MAML3: variants seen among roughly 807,000 people sequenced by gnomAD.
The protein encoded by MAML3 is mastermind like transcriptional coactivator 3.
In MAML3, 27 loss-of-function variants were observed where a neutral mutation model predicts 101.9. The observed-to-expected ratio is 0.27, with a 90% CI of 0.20 to 0.37. The LOEUF is 0.37. Among genes scored for constraint, MAML3 ranks in the 10% least tolerant of loss-of-function variants. The probability of loss-of-function intolerance (pLI) is 1.00; values close to 1 mark genes in which losing one functional copy is unlikely to be tolerated. For synonymous variants in MAML3, 501 were observed against 555.9 expected, an observed-to-expected ratio of 0.90 and a Z score of 1.39; for missense variants, 1,316 against 1,444.9, an observed-to-expected ratio of 0.91 and a Z score of 1.45.
intron 1 of MAML3, among the ~76,000 whole-genome samples, chr4:139,934,466 G>A (rs1240349460): frequency 6.6e-6 from 1 of 152,132 alleles, no homozygotes; most frequent in African/African-American, 2.4e-5. Flanking sequence ...ACCCTGACCC[G>A]AGTTTTCAGC....
chr4:140,029,865 C>G (rs1045805155), intron 1 of MAML3, among the ~76,000 whole-genome samples: 4 of 152,016 alleles, frequency 2.6e-5, no homozygotes, highest in Admixed American at 1.3e-4. Context: ...ATATTTTAAC[C>G]AAAGTTACTC....
intron 2 of MAML3, among the ~76,000 whole-genome samples, chr4:139,836,667 G>T (rs1731259821): frequency 6.6e-6 from 1 of 152,008 alleles, no homozygotes; most frequent in African/African-American, 2.4e-5. Context: ...TGGCTTCCTG[G>T]CTCTTGTGCC....
intron 1 of MAML3, among the ~76,000 whole-genome samples, chr4:140,137,496 A>C (rs1296009413): frequency 6.6e-6 from 1 of 152,198 alleles, no homozygotes; most frequent in Non-Finnish European, 1.5e-5. Flanking sequence ...TCATTCCTGT[A>C]AGTCTGTCAA....
rs758082973 is a variant in MAML3 at position 140,153,046 on chromosome 4, C to T, written c.282G>A (p.Arg94=). 26 of 1,583,398 alleles carry T rather than the reference C, an allele frequency of 1.6e-5. No homozygotes were observed. Among genetic ancestry groups the T allele is most frequent in the African/African-American group, 9.4e-5 (7 of 74,188 alleles). ...GCTGCTCCACCTGAGCCTGCTGGTA[C>T]CTGTTCTCGCAGTTGACGTGGTGCC... ...CRRHHVNCEN[R]YQQAQVEQLE... Residue 94 remains arginine (R), a synonymous_variant, in exon 1 of 5, where the codon AGG becomes AGA. Transcript: ENST00000509479.
Position 139,764,908 on chromosome 4 carries a change from T to A in MAML3, c.2080-34241A>T, listed in dbSNP as rs143115016. 1.6e-3 allele frequency among the ~76,000 whole-genome samples: 236 copies of A among 150,472 alleles called. 1 individual carries two copies. The highest frequency in any genetic ancestry group is 2.7e-3 in the Non-Finnish European group (186 of 67,644). On this transcript the variant is annotated intron_variant, in intron 2 of 4. Coordinates refer to ENST00000509479, the MANE Select transcript of MAML3 (RefSeq NM_018717.5). The stretch of plus-strand genomic sequence containing the variant: ...ACACTCCTGCTTCAGTGACTGCACC[T>A]ACTCTGGGCAGCTCCCAATGCAGGG...
At chr4:139,973,141 G>A (rs1241458617) in intron 1 of MAML3, among the ~76,000 whole-genome samples, 1 of 152,160 alleles carries the variant, frequency 6.6e-6, no homozygotes, top group Non-Finnish European at 1.5e-5. Flanking sequence ...TCATTCAGGT[G>A]TTTCATCCTT....
At chr4:140,094,395 GA>G (rs1272551650) in intron 1 of MAML3, among the ~76,000 whole-genome samples, 1 of 152,188 alleles carries the variant, frequency 6.6e-6, no homozygotes, top group Non-Finnish European at 1.5e-5. Context: ...GCATAACAAA[GA>G]AAAATCACAA....
intron 2 of MAML3, among the ~76,000 whole-genome samples, chr4:139,849,360 T>C (rs1033439158): frequency 3.3e-5 from 5 of 152,164 alleles, no homozygotes; most frequent in Non-Finnish European, 2.9e-5. Context: ...TTGGCTATGA[T>C]TGGTCCCTAG....
At chr4:140,123,220 TC>T (rs780274873) in intron 1 of MAML3, among the ~76,000 whole-genome samples, 22 of 152,164 alleles carry the variant, frequency 1.4e-4, no homozygotes, top group Non-Finnish European at 1.3e-4. Flanking sequence ...TCCTATCCTG[TC>T]CCAAACAAGG....
At chr4:140,039,776 GTGCTAGTGCAC>G (rs1253265425) in intron 1 of MAML3, among the ~76,000 whole-genome samples, 1 of 152,164 alleles carries the variant, frequency 6.6e-6, no homozygotes, top group African/African-American at 2.4e-5. Flanking sequence ...TCTGACATGG[GTGCTAGTGCAC>G]TGCTGTACAA....
At chr4:140,058,025 T>G (rs1272309098) in intron 1 of MAML3, among the ~76,000 whole-genome samples, 1 of 149,852 alleles carries the variant, frequency 6.7e-6, no homozygotes, top group Non-Finnish European at 1.5e-5. Flanking sequence ...AGACCTCTGA[T>G]TAAACGTACA....
intron 1 of MAML3, among the ~76,000 whole-genome samples, chr4:140,030,399 T>G (rs1243432938): frequency 1.3e-5 from 2 of 152,212 alleles, no homozygotes; most frequent in African/African-American, 4.8e-5. Context: ...GGGAAAGTCT[T>G]ACCTGCCCAG....
chr4:139,977,858 G>A lies in MAML3; in HGVS notation c.469-86891C>T, dbSNP rs375261326. 4.0e-5 allele frequency among the ~76,000 whole-genome samples: 6 copies of A among 151,546 alleles called. No homozygotes were observed. In the East Asian group the frequency reaches 1.2e-3, roughly 29 times the overall value. ...ACTGCACTCCAGCCAGGGCCACAGA[G>A]TGAAACTCCCTAACAAAAAAACAAA... On this transcript the variant is annotated intron_variant, in intron 1 of 4. Coordinates refer to ENST00000509479, the MANE Select transcript of MAML3 (RefSeq NM_018717.5).
At chr4:139,808,072 C>T (rs146190063) in intron 2 of MAML3, among the ~76,000 whole-genome samples, 131 of 152,342 alleles carry the variant, frequency 8.6e-4, no homozygotes, top group Admixed American at 1.6e-3. Context: ...TCCACGGGCA[C>T]AATGCTGAGA....
At chr4:139,912,744 C>T (rs1732949094) in intron 1 of MAML3, among the ~76,000 whole-genome samples, 1 of 152,232 alleles carries the variant, frequency 6.6e-6, no homozygotes, top group Non-Finnish European at 1.5e-5. Context: ...TAAGGAATGC[C>T]AAAGACTGCT....
At chr4:139,865,504 T>TTG (rs1420504426) in intron 2 of MAML3, among the ~76,000 whole-genome samples, 3 of 151,026 alleles carry the variant, frequency 2.0e-5, no homozygotes, top group African/African-American at 7.3e-5. Flanking sequence ...TTGTTTTTTT[T>TTG]TTTTTTCATT....
At chr4:140,037,377 C>T (rs892362441) in intron 1 of MAML3, among the ~76,000 whole-genome samples, 18 of 152,214 alleles carry the variant, frequency 1.2e-4, no homozygotes, top group Admixed American at 1.2e-3. Flanking sequence ...GGAGTTTGCA[C>T]TTTAAATAGA....
intron 1 of MAML3, among the ~76,000 whole-genome samples, chr4:139,960,965 C>T (rs995614952): frequency 2.0e-5 from 3 of 152,182 alleles, no homozygotes; most frequent in African/African-American, 4.8e-5. Context: ...AGGTGTCAGT[C>T]AGCCTCAAGT....
intron 2 of MAML3, among the ~76,000 whole-genome samples, chr4:139,742,310 G>A (rs547709964): frequency 4.6e-5 from 7 of 152,114 alleles, no homozygotes; most frequent in Non-Finnish European, 5.9e-5. Context: ...CACCACGCCC[G>A]GCTAATTTTT....
Sources: allele counts gnomAD v4.1 joint callset (sites outside exome capture counted in the v4.1 genomes callset), GRCh38; gene constraint gnomAD v4.1.1; transcripts MANE v1.5; gene names NCBI Gene and HGNC (gene_info 2026-07-23, HGNC 2026-07-21).